The following RFX3 variants were observed in gnomAD, a reference collection of about 807,000 sequenced individuals.
The protein encoded by RFX3 is transcription factor RFX3.
In RFX3, 14 loss-of-function variants were observed where a neutral mutation model predicts 98.6. The observed-to-expected ratio is 0.14, with a 90% CI of 0.09 to 0.22. The LOEUF is 0.22. RFX3 is among the 10% of genes least tolerant of loss of function. The pLI, the probability that RFX3 is intolerant of heterozygous loss-of-function variation, is 1.00. For synonymous variants in RFX3, 383 were observed against 328.4 expected, an observed-to-expected ratio of 1.17 and a Z score of -1.80; for missense variants, 639 against 926.9, an observed-to-expected ratio of 0.69 and a Z score of 4.03.
chr9:3,381,198 C>G (rs540515631), intron 2 of RFX3, among the ~76,000 whole-genome samples: 365 of 151,842 alleles, frequency 2.4e-3, no homozygotes, highest in Non-Finnish European at 4.1e-3. Flanking sequence ...AAGGAAAAAC[C>G]TTGAAAATAA....
intron 4 of RFX3, among the ~76,000 whole-genome samples, chr9:3,308,361 A>C (rs1403439753): frequency 1.3e-5 from 2 of 152,312 alleles, no homozygotes; most frequent in Middle Eastern, 3.4e-3. Flanking sequence ...TGGAAGCCAG[A>C]AATATTTTCA....
intron 2 of RFX3, among the ~76,000 whole-genome samples, chr9:3,359,745 A>T (rs930803632): frequency 2.1e-4 from 32 of 152,162 alleles, no homozygotes; most frequent in African/African-American, 7.7e-4. Flanking sequence ...TTTTTAAATA[A>T]TGAAAAAAAT....
intron 1 of RFX3, among the ~76,000 whole-genome samples, chr9:3,443,439 A>T (rs1346504210): frequency 6.6e-6 from 1 of 152,106 alleles, no homozygotes; most frequent in East Asian, 1.9e-4. Context: ...CCCACTTACA[A>T]GGGAAAAGAT....
intron 7 of RFX3, among the ~76,000 whole-genome samples, chr9:3,287,845 T>G (rs1053269675): frequency 2.0e-5 from 3 of 151,982 alleles, no homozygotes; most frequent in Non-Finnish European, 4.4e-5. Flanking sequence ...CAGTTGGTAT[T>G]TGCTTGGGTA....
intron 1 of RFX3, among the ~76,000 whole-genome samples, chr9:3,478,365 C>T (rs1390726366): frequency 6.7e-6 from 1 of 148,234 alleles, no homozygotes; most frequent in African/African-American, 2.5e-5. Flanking sequence ...TTTTACAGAT[C>T]CTGTATTCCC....
intron 15 of RFX3, 50 bp from the exon 16 acceptor site, chr9:3,228,939 A>G: frequency 6.7e-7 from 1 of 1,493,606 alleles, no homozygotes; most frequent in Non-Finnish European, 9.2e-7. Flanking sequence ...GCAGAATAAA[A>G]TAATACTCTA....
At chr9:3,298,787 C>A (rs1034931050) in intron 5 of RFX3, among the ~76,000 whole-genome samples, 13 of 151,638 alleles carry the variant, frequency 8.6e-5, no homozygotes, top group African/African-American at 3.1e-4. Flanking sequence ...CTTATTTAGT[C>A]CTAATAAGAG....
intron 2 of RFX3, among the ~76,000 whole-genome samples, chr9:3,366,715 TTTC>T (rs1554681371): frequency 1.4e-5 from 2 of 141,806 alleles, no homozygotes; most frequent in Non-Finnish European, 1.5e-5. Context: ...TCTTTCTTTC[TTTC>T]TTTCTTTCTT....
Position 3,525,801 on chromosome 9 carries a change from GGGAGGA to G in RFX3, c.-69_-64del, listed in dbSNP as rs957070006. 3 of 651,172 alleles carry G rather than the reference GGGAGGA, an allele frequency of 4.6e-6. No homozygotes were observed. The highest frequency in any genetic ancestry group is 2.0e-5 in the African/African-American group (1 of 50,634). 40.3% of individuals were successfully genotyped at this position (651,172 alleles called of 1,614,324 possible). On this transcript the variant is annotated 5_prime_UTR_variant, in exon 1 of 17. Transcript: ENST00000617270. ...GTGGGTGATGGAGATGGTGGTGGTG[GGGAGGA>G]GGAGGAGGAAGAGGAGGAGGAGGAG...
At chr9:3,480,456 A>G (rs1348152819) in intron 1 of RFX3, among the ~76,000 whole-genome samples, 2 of 152,220 alleles carry the variant, frequency 1.3e-5, no homozygotes, top group African/African-American at 4.8e-5. Flanking sequence ...TCTCTTTGTT[A>G]AAACAAGCTA....
intron 1 of RFX3, among the ~76,000 whole-genome samples, chr9:3,462,367 C>A (rs1378993127): frequency 6.6e-6 from 1 of 151,992 alleles, no homozygotes; most frequent in Non-Finnish European, 1.5e-5. Context: ...AAATAACCCT[C>A]AGCAAACTGG....
chr9:3,263,975 T>C (rs1473707869), intron 12 of RFX3, among the ~76,000 whole-genome samples: 1 of 151,834 alleles, frequency 6.6e-6, no homozygotes, highest in Non-Finnish European at 1.5e-5. Flanking sequence ...GTGGATTTCC[T>C]AATGCCATAA....
At chr9:3,308,845 G>A (rs879735313) in intron 4 of RFX3, among the ~76,000 whole-genome samples, 3 of 152,098 alleles carry the variant, frequency 2.0e-5, no homozygotes, top group African/African-American at 7.2e-5. Context: ...AATATTTGGA[G>A]CACCAGAGAG....
At position 3,270,540 on chromosome 9, in the gene RFX3, T is replaced by G; in HGVS notation, c.1203-15A>C. 1 of 1,604,880 alleles carries G rather than the reference T, an allele frequency of 6.2e-7. No individual in the cohort carries two copies. Among genetic ancestry groups the G allele is most frequent in the Non-Finnish European group, 8.5e-7 (1 of 1,176,794 alleles). ...CACTCAGATTGCTGGTGTGAATAAA[T>G]GTAGCAAATGAATAGATGGCAAATG... On this transcript the variant is annotated splice_polypyrimidine_tract_variant and intron_variant, in intron 10 of 16. Coordinates refer to ENST00000617270, the MANE Select transcript of RFX3 (RefSeq NM_001282116.2).
chr9:3,369,649 T>C (rs1837581995), intron 2 of RFX3, among the ~76,000 whole-genome samples: 1 of 152,232 alleles, frequency 6.6e-6, no homozygotes, highest in Non-Finnish European at 1.5e-5. Flanking sequence ...GAAAGCTTTG[T>C]AAGCACTGAC....
At chr9:3,298,099 T>C (rs1298082905) in intron 5 of RFX3, among the ~76,000 whole-genome samples, 1 of 151,674 alleles carries the variant, frequency 6.6e-6, no homozygotes, top group Admixed American at 6.6e-5. Flanking sequence ...AACAAAAATA[T>C]TTAAATAAAA....
chr9:3,293,010 C>G, intron 6 of RFX3, 67 bp downstream of exon 6: 1 of 1,279,868 alleles, frequency 7.8e-7, no homozygotes, highest in Non-Finnish European at 1.1e-6. Flanking sequence ...TTTGTTTAAA[C>G]AATATATTGA....
intron 1 of RFX3, among the ~76,000 whole-genome samples, chr9:3,485,758 T>TAGCA (rs2133422481): frequency 6.6e-6 from 1 of 152,246 alleles, no homozygotes; most frequent in Non-Finnish European, 1.5e-5. Context: ...CATAAATACA[T>TAGCA]AGCAATACAT....
In RFX3 at chr9:3,395,694, T is replaced by C. The variant is rs750875465; in HGVS notation, c.-8-98A>G. The C allele has an allele frequency of 5.1e-4, 636 of 1,247,424 alleles. 1 individual carries two copies. The highest frequency in any genetic ancestry group is 6.7e-4 in the Non-Finnish European group (592 of 883,890). The allele number at this position is 1,247,424 out of a possible 1,614,324, so 77.3% of individuals were successfully genotyped here. A position where few individuals can be genotyped will look rare whatever the true frequency, so the allele number is the denominator to read the frequency against. On this transcript the variant is annotated intron_variant, in intron 1 of 16. Transcript: ENST00000617270. The stretch of plus-strand genomic sequence containing the variant: ...TAAAATCCTATACTGAAACTAACTT[T>C]CAACTCTCATACCTCTTATCCCAAC...
Sources: allele counts gnomAD v4.1 joint callset (sites outside exome capture counted in the v4.1 genomes callset), GRCh38; gene constraint gnomAD v4.1.1; transcripts MANE v1.5; gene names NCBI Gene and HGNC (gene_info 2026-07-23, HGNC 2026-07-21).